The following BZW1 variants were observed in gnomAD, a reference collection of about 807,000 sequenced individuals.
The protein encoded by BZW1 is basic leucine zipper and W2 domains 1.
A neutral mutation model predicts 54.1 loss-of-function variants in BZW1; 3 were observed. The observed-to-expected ratio is 0.06, with a 90% CI of 0.03 to 0.14. The LOEUF (loss-of-function observed/expected upper bound fraction) is 0.14, where lower values mean the gene tolerates loss of function less well. Ranked by LOEUF, BZW1 falls within the 10% of genes least tolerant of loss-of-function variation. The pLI is 1.00. For missense variants in BZW1, 206 were observed against 491.7 expected (o/e 0.42, Z 5.50); for synonymous variants, 152 against 162.7 (o/e 0.93, Z 0.50).
intron 9 of BZW1, among the ~76,000 whole-genome samples, chr2:200,819,649 C>A (rs2038434224): frequency 6.6e-6 from 1 of 150,884 alleles, no homozygotes; most frequent in African/African-American, 2.4e-5. Context: ...CAGCCTCCAT[C>A]TCCTGGGTTC....
At chr2:200,818,614 T>C (rs2038380816) in intron 8 of BZW1, 141 bp from the exon 9 acceptor site, 1 of 1,078,416 alleles carries the variant, frequency 9.3e-7, no homozygotes, top group South Asian at 1.7e-5. Flanking sequence ...TGTAAAGGTC[T>C]CTTTTTATAT....
At chr2:200,812,892 GAATGT>G (rs1484070319) in intron 1 of BZW1, 1 of 655,850 alleles carries the variant, frequency 1.5e-6, no homozygotes, top group East Asian at 3.2e-5. Context: ...AGATGTAAGT[GAATGT>G]AAAGAGGAAT....
intron 2 of BZW1, 194 bp downstream of exon 2, chr2:200,813,475 T>C (rs2038165050): frequency 3.8e-6 from 2 of 523,786 alleles, no homozygotes; most frequent in Admixed American, 3.5e-5. Flanking sequence ...CCTTAATTTT[T>C]AGTATCAATA....
In BZW1 at chr2:200,826,420, T is replaced by TGA. The variant is rs1559318459; in HGVS notation, c.*4242_*4243insGA. 21 of 62,968 alleles carry TGA rather than the reference T, an allele frequency of 3.3e-4. No individual in the cohort carries two copies. In the South Asian group the frequency reaches 8.6e-3, roughly 26 times the overall value. 3.9% of individuals were successfully genotyped at this position (62,968 alleles called of 1,614,324 possible). On this transcript the variant is annotated 3_prime_UTR_variant, in exon 12 of 12. Transcript: ENST00000409600. The stretch of plus-strand genomic sequence containing the variant: ...AGATAGATAGATATTTTTTTTTTTT[T>TGA]TTTTTTTTTTTTTTTTTTTTTTGAG...
chr2:200,816,614 C>T (rs1484461373), intron 5 of BZW1, among the ~76,000 whole-genome samples: 1 of 152,252 alleles, frequency 6.6e-6, no homozygotes, highest in Non-Finnish European at 1.5e-5. Context: ...GCCTCAGCCT[C>T]CCGAGTAGCT....
rs915971512 is a variant in BZW1 at position 200,812,458 on chromosome 2, C to T, written c.-11+468C>T. The T allele has an allele frequency of 5.2e-6, 7 of 1,339,690 alleles. No individual in the cohort carries two copies. The East Asian group carries it at 1.4e-4, about 28-fold the overall frequency. The allele number at this position is 1,339,690 out of a possible 1,614,324, so 83.0% of individuals were successfully genotyped here. On this transcript the variant is annotated intron_variant, in intron 1 of 11. Coordinates refer to ENST00000409600, the MANE Select transcript of BZW1 (RefSeq NM_001207067.2). ...CGCAAAGCGCCTCAGTGACTGTGGTCCGCTCGTTGCGGCGGCCGCCACCGC... is the reference window on the plus strand; with the variant it reads ...CGCAAAGCGCCTCAGTGACTGTGGTTCGCTCGTTGCGGCGGCCGCCACCGC...
At chr2:200,820,207 T>C in intron 10 of BZW1, 87 bp downstream of exon 10, 1 of 1,195,866 alleles carries the variant, frequency 8.4e-7, no homozygotes, top group Non-Finnish European at 1.1e-6. Context: ...TATCTGGACA[T>C]CAGCTCCCTG....
intron 11 of BZW1, 41 bp from the exon 12 acceptor site, chr2:200,822,106 T>C: frequency 1.9e-6 from 3 of 1,564,456 alleles, no homozygotes; most frequent in South Asian, 2.3e-5. Flanking sequence ...ACTTTTGCCT[T>C]CTGATACATA....
Position 200,823,709 on chromosome 2 carries a change from T to TA in BZW1, c.*1531_*1532insA, listed in dbSNP as rs1373055350. The TA allele has an allele frequency of 1.3e-5, 2 of 152,296 alleles. No homozygotes were observed. The highest frequency in any genetic ancestry group is 4.8e-5 in the African/African-American group (2 of 41,342). The allele number at this position is 152,296 out of a possible 1,614,324, so 9.4% of individuals were successfully genotyped here. A position where few individuals can be genotyped will look rare whatever the true frequency, so the allele number is the denominator to read the frequency against. ...GGTGAATTTGTTAAAATGAGTAACT[T>TA]TGATAAAGTTTTTCATGCACAGGCA... On this transcript the variant is annotated 3_prime_UTR_variant, in exon 12 of 12. Transcript: ENST00000409600.
At position 200,824,706 on chromosome 2, in the gene BZW1, T is replaced by A. The variant is rs1372435499; in HGVS notation, c.*2528T>A. ...TTTTTTTTTTGAGACGGAGTCTCGC[T>A]CTGTCACCAGGCTGGAGTGCAGTGG... On this transcript the variant is annotated 3_prime_UTR_variant, in exon 12 of 12. Coordinates refer to ENST00000409600, the MANE Select transcript of BZW1 (RefSeq NM_001207067.2). 2.1e-5 allele frequency: 3 copies of A among 143,822 alleles called. No homozygotes were observed. The highest frequency in any genetic ancestry group is 4.5e-5 in the Non-Finnish European group (3 of 66,756). 8.9% of individuals were successfully genotyped at this position (143,822 alleles called of 1,614,324 possible).
In BZW1 at chr2:200,825,109, G is replaced by A. The variant is rs1168917018; in HGVS notation, c.*2931G>A. On this transcript the variant is annotated 3_prime_UTR_variant, in exon 12 of 12. Coordinates refer to ENST00000409600, the MANE Select transcript of BZW1 (RefSeq NM_001207067.2). ...GGAGACAGTCTCACTCTGTTACCTG[G>A]GCTGGAGTGCAATGGCATGATCTCA... 2 of 152,572 alleles carry A rather than the reference G, an allele frequency of 1.3e-5. No homozygotes were observed. The highest frequency in any genetic ancestry group is 2.9e-5 in the Non-Finnish European group (2 of 68,402). 9.5% of individuals were successfully genotyped at this position (152,572 alleles called of 1,614,324 possible).
intron 2 of BZW1, among the ~76,000 whole-genome samples, chr2:200,813,688 C>T (rs910414559): frequency 6.6e-6 from 1 of 152,132 alleles, no homozygotes; most frequent in Non-Finnish European, 1.5e-5. Context: ...TCAGACTTCA[C>T]CCATGGAAGT....
At chr2:200,812,108 C>T in intron 1 of BZW1, 118 bp downstream of exon 1, 2 of 690,796 alleles carry the variant, frequency 2.9e-6, no homozygotes, top group Non-Finnish European at 4.0e-6. Flanking sequence ...GAACGGAGGT[C>T]GCCTCTTGAG....
At chr2:200,819,023 GT>G in intron 9 of BZW1, 122 bp downstream of exon 9, 1 of 1,132,546 alleles carries the variant, frequency 8.8e-7, no homozygotes, top group Non-Finnish European at 1.2e-6. Context: ...TGGCCCACCA[GT>G]AAATAAACAA....
At chr2:200,817,594 G>C (rs1305137787) in intron 6 of BZW1, among the ~76,000 whole-genome samples, 1 of 151,992 alleles carries the variant, frequency 6.6e-6, no homozygotes, top group East Asian at 1.9e-4. Flanking sequence ...TCAGTTCCCT[G>C]TTTGGCTCCA....
chr2:200,815,359 A>G lies in BZW1; in HGVS notation c.83A>G (p.Asp28Gly), dbSNP rs757597354. The change falls in exon 3 of 12, where the codon GAC becomes GGC. Residue 28 changes from aspartate to glycine, a missense_variant. Around this residue, in one of 5 missense-constraint regions of BZW1, gnomAD observed 26 missense variants for 26.9 expected, o/e 0.97. Coordinates refer to ENST00000409600, the MANE Select transcript of BZW1 (RefSeq NM_001207067.2). ...CCCCCAGATGAAAAAGAGAGGTTTG[A>G]CCCTACTCAGTTTCAAGACTGTATT... The part of the protein sequence containing the change: ...TRKRDEKERF[D>G]PTQFQDCIIQ... The G allele has an allele frequency of 6.2e-7, 1 of 1,610,994 alleles. No individual in the cohort carries two copies. Among genetic ancestry groups the G allele is most frequent in the Non-Finnish European group, 8.5e-7 (1 of 1,178,378 alleles).
chr2:200,812,422 T>G lies in BZW1; in HGVS notation c.-11+432T>G, dbSNP rs375146954. Reference sequence around the variant, plus strand: ...AGGGCGGGCGGATGTACGGGGCGCCTGGGGCCCCGGCGCAAAGCGCCTCAG... The same window carrying G: ...AGGGCGGGCGGATGTACGGGGCGCCGGGGGCCCCGGCGCAAAGCGCCTCAG... On this transcript the variant is annotated intron_variant, in intron 1 of 11. Transcript: ENST00000409600. The G allele has an allele frequency of 7.0e-4, 900 of 1,283,164 alleles. 8 individuals carry two copies. In the East Asian group the frequency reaches 0.019, roughly 27 times the overall value. 79.5% of individuals were successfully genotyped at this position (1,283,164 alleles called of 1,614,324 possible).
intron 1 of BZW1, chr2:200,812,539 C>T (rs2038113066): frequency 8.6e-6 from 12 of 1,396,366 alleles, no homozygotes; most frequent in South Asian, 6.6e-5. Context: ...CCCGCTGTGG[C>T]CGATGGGGTC....
intron 2 of BZW1, among the ~76,000 whole-genome samples, chr2:200,814,109 A>G (rs535657536): frequency 6.6e-6 from 1 of 152,340 alleles, no homozygotes; most frequent in South Asian, 2.1e-4. Context: ...ATCTTTGCAG[A>G]TTCATTTAGA....
Sources: allele counts gnomAD v4.1 joint callset (sites outside exome capture counted in the v4.1 genomes callset), GRCh38; gene constraint gnomAD v4.1.1; regional missense constraint gnomAD v4.1.1; transcripts MANE v1.5; gene names NCBI Gene and HGNC (gene_info 2026-07-23, HGNC 2026-07-21).